Variants in GABRB1 observed in about 807,000 individuals in gnomAD.
GABRB1 encodes gamma-aminobutyric acid type A receptor subunit beta1, also known as gamma-aminobutyric acid receptor subunit beta-1.
A neutral mutation model predicts 51.6 loss-of-function variants in GABRB1; 17 were observed. That is an observed-to-expected ratio of 0.33 (90% CI 0.23 to 0.49). The LOEUF (loss-of-function observed/expected upper bound fraction) is 0.49, where lower values mean the gene tolerates loss of function less well. Ranked by LOEUF, GABRB1 falls within the 20% of genes least tolerant of loss-of-function variation. GABRB1 has a pLI of 0.99. For synonymous variants in GABRB1, 247 were observed against 218.9 expected (o/e 1.13, Z -1.14); for missense variants, 410 against 600.6 (o/e 0.68, Z 3.32).
At chr4:47,092,165 CTT>C (rs869057256) in intron 3 of GABRB1, among the ~76,000 whole-genome samples, 3 of 60,508 alleles carry the variant, frequency 5.0e-5, no homozygotes, top group African/African-American at 2.1e-4. Context: ...TTCTTTCTTT[CTT>C]TTTTTTTTTT....
chr4:47,156,622 A>G (rs1422954381), intron 3 of GABRB1, among the ~76,000 whole-genome samples: 1 of 151,688 alleles, frequency 6.6e-6, no homozygotes, highest in East Asian at 1.9e-4. Flanking sequence ...GTTTAACATA[A>G]TTTTCTTATA....
intron 3 of GABRB1, among the ~76,000 whole-genome samples, chr4:47,137,070 C>T (rs1716693312): frequency 6.6e-6 from 1 of 152,076 alleles, no homozygotes; most frequent in Non-Finnish European, 1.5e-5. Context: ...GTAACCTACC[C>T]TGAACATTGA....
At position 47,406,941 on chromosome 4, in the gene GABRB1, A is replaced by G. The variant is rs1297056597; in HGVS notation, c.1080+15A>G. ...ATAAAGTCCAGGTAAGATATTAAAT[A>G]TTCCTAACAATATTCTTGTTAAATT... On this transcript the variant is annotated intron_variant, in intron 8 of 8. Transcript: ENST00000295454. 3 of 1,608,704 alleles carry G rather than the reference A, an allele frequency of 1.9e-6. No homozygotes were observed. The highest frequency in any genetic ancestry group is 3.3e-5 in the Admixed American group (2 of 59,774).
At chr4:47,029,502 C>T (rs1725215043), upstream of GABRB1, among the ~76,000 whole-genome samples, 1 of 151,138 alleles carries the variant, frequency 6.6e-6, no homozygotes, top group Admixed American at 6.6e-5. Context: ...CATGTTCTTT[C>T]TATGTATAAC....
intron 4 of GABRB1, among the ~76,000 whole-genome samples, chr4:47,195,441 TAGATGATAGATAGATTAGATGATA>T (rs1313929525): frequency 0.026 from 2,916 of 110,672 alleles, 40 homozygotes; most frequent in East Asian, 0.055. Flanking sequence ...GATAGATAGA[TAGATGATAGATAGATTAGATGATA>T]GATAGATAGA....
At chr4:47,312,184 T>C (rs952807783) in intron 4 of GABRB1, among the ~76,000 whole-genome samples, 40 of 152,078 alleles carry the variant, frequency 2.6e-4, no homozygotes, top group Admixed American at 7.2e-4. Context: ...ATGACCGTTC[T>C]TTAAAGTTTT....
chr4:47,316,718 A>T (rs1381814834), intron 4 of GABRB1, among the ~76,000 whole-genome samples: 1 of 151,914 alleles, frequency 6.6e-6, no homozygotes, highest in East Asian at 1.9e-4. Context: ...ATCATTGACT[A>T]TAAAGGTGAT....
intron 5 of GABRB1, among the ~76,000 whole-genome samples, chr4:47,323,632 A>C (rs575178248): frequency 6.6e-6 from 1 of 152,348 alleles, no homozygotes; most frequent in South Asian, 2.1e-4. Context: ...CACTGATGTA[A>C]GATTGAACCA....
intron 4 of GABRB1, among the ~76,000 whole-genome samples, chr4:47,306,884 C>T (rs973630042): frequency 1.3e-5 from 2 of 152,018 alleles, no homozygotes; most frequent in African/African-American, 4.8e-5. Context: ...CTTTGCTGGA[C>T]CATTTTGGTG....
At chr4:47,425,471 G>GGAT (rs113978263) in intron 8 of GABRB1, among the ~76,000 whole-genome samples, 1 of 123,148 alleles carries the variant, frequency 8.1e-6, no homozygotes, top group Non-Finnish European at 1.7e-5. Flanking sequence ...CAAGGTGGAT[G>GGAT]GATGATGATG....
In GABRB1 at chr4:47,036,551, A is replaced by G. The variant is rs1008217985; in HGVS notation, c.240+4067A>G. Among the ~76,000 whole-genome samples the G allele has an allele frequency of 2.6e-5, 4 of 152,312 alleles. No homozygotes were observed. In the South Asian group the frequency reaches 8.3e-4, roughly 32 times the overall value. ...ACTTTGAATATCAAGGTAGTACATT[A>G]TCCTAAGTTCTAGCTTAATTAAGAA... On this transcript the variant is annotated intron_variant, in intron 3 of 8. Transcript: ENST00000295454.
intron 1 of GABRB1, among the ~76,000 whole-genome samples, chr4:46,999,093 C>T (rs752077879): frequency 8.6e-5 from 13 of 152,020 alleles, no homozygotes; most frequent in Non-Finnish European, 1.8e-4. Flanking sequence ...ATTTTCAGCA[C>T]CTAATAGTAA....
At chr4:47,421,630 A>G (rs1445664254) in intron 8 of GABRB1, among the ~76,000 whole-genome samples, 1 of 152,114 alleles carries the variant, frequency 6.6e-6, no homozygotes, top group African/African-American at 2.4e-5. Flanking sequence ...TAAAACTAGA[A>G]TAATAACATA....
intron 3 of GABRB1, among the ~76,000 whole-genome samples, chr4:47,083,891 G>A (rs138509266): frequency 5.3e-5 from 8 of 152,136 alleles, no homozygotes; most frequent in Non-Finnish European, 7.4e-5. Flanking sequence ...CAGAATAATT[G>A]GCCACCTGCT....
chr4:47,052,648 A>G (rs1179349990), intron 3 of GABRB1, among the ~76,000 whole-genome samples: 1 of 152,168 alleles, frequency 6.6e-6, no homozygotes, highest in Non-Finnish European at 1.5e-5. Context: ...TAAATTTCTC[A>G]GAGGCACAAA....
chr4:47,365,158 C>A (rs577499026), intron 5 of GABRB1, among the ~76,000 whole-genome samples: 1 of 152,200 alleles, frequency 6.6e-6, no homozygotes, highest in African/African-American at 2.4e-5. Flanking sequence ...GTATGGAGGT[C>A]CCTCTGACCA....
chr4:47,162,343 C>T (rs1455844514), intron 4 of GABRB1, among the ~76,000 whole-genome samples: 1 of 151,946 alleles, frequency 6.6e-6, no homozygotes, highest in Non-Finnish European at 1.5e-5. Context: ...CTGAAGTATC[C>T]TGGGAGAGTA....
At chr4:47,314,989 C>A (rs1724832383) in intron 4 of GABRB1, among the ~76,000 whole-genome samples, 1 of 151,894 alleles carries the variant, frequency 6.6e-6, no homozygotes, top group South Asian at 2.1e-4. Context: ...ATGAAGACAG[C>A]AAAAGCAATT....
At chr4:47,402,143 A>G (rs539233763) in intron 5 of GABRB1, among the ~76,000 whole-genome samples, 232 of 152,304 alleles carry the variant, frequency 1.5e-3, no homozygotes, top group African/African-American at 5.2e-3. Context: ...GGGAGTGGGG[A>G]AAAATAGCTT....
Sources: gnomAD v4.1 joint callset for allele counts (sites outside exome capture counted in the v4.1 genomes callset) on GRCh38, gnomAD v4.1.1 for gene constraint, MANE v1.5 for transcripts, NCBI Gene and HGNC (gene_info 2026-07-23, HGNC 2026-07-21) for gene names.